Variants in TAOK3 observed in about 807,000 individuals in gnomAD.
The protein encoded by TAOK3 is TAO kinase 3.
TAOK3 carries 40 observed loss-of-function variants against 120.4 expected under a neutral mutation model. That is an observed-to-expected ratio of 0.33 (90% CI 0.26 to 0.43). The LOEUF (loss-of-function observed/expected upper bound fraction) is 0.43, where lower values mean the gene tolerates loss of function less well. TAOK3 is among the 20% of genes least tolerant of loss of function. TAOK3 has a pLI of 1.00. For missense variants in TAOK3, 821 were observed against 1,112.1 expected, an observed-to-expected ratio of 0.74 and a Z score of 3.72; for synonymous variants, 355 against 387.5, an observed-to-expected ratio of 0.92 and a Z score of 0.99.
At chr12:118,241,169 G>T (rs374424017) in intron 5 of TAOK3, among the ~76,000 whole-genome samples, 3 of 150,946 alleles carry the variant, frequency 2.0e-5, no homozygotes, top group African/African-American at 7.3e-5. Flanking sequence ...GAATAATTTA[G>T]AACAATGAGA....
chr12:118,268,368 A>C (rs760015514), intron 1 of TAOK3, among the ~76,000 whole-genome samples: 22 of 152,342 alleles, frequency 1.4e-4, no homozygotes, highest in Non-Finnish European at 2.9e-4. Context: ...CTTGACTAGC[A>C]TTGTAGATGA....
intron 15 of TAOK3, among the ~76,000 whole-genome samples, chr12:118,177,986 G>A (rs997216889): frequency 3.3e-5 from 5 of 152,046 alleles, no homozygotes; most frequent in Non-Finnish European, 7.4e-5. Flanking sequence ...TCGCTCTGTC[G>A]CTCAGGCTGG....
intron 14 of TAOK3, among the ~76,000 whole-genome samples, chr12:118,188,602 G>A (rs910985629): frequency 9.9e-5 from 15 of 152,138 alleles, no homozygotes; most frequent in African/African-American, 3.4e-4. Context: ...ATTTTTCCTT[G>A]CATTTGGGTT....
intron 1 of TAOK3, among the ~76,000 whole-genome samples, chr12:118,296,191 G>C (rs1016378929): frequency 2.6e-5 from 4 of 152,142 alleles, no homozygotes; most frequent in African/African-American, 9.7e-5. Context: ...TTGTGCAATG[G>C]TGCGATCTTG....
intron 1 of TAOK3, among the ~76,000 whole-genome samples, chr12:118,267,403 C>T (rs1285268221): frequency 2.0e-5 from 3 of 151,500 alleles, no homozygotes; most frequent in Admixed American, 1.3e-4. Context: ...TCAGTACAGA[C>T]GGGGTTTCAC....
chr12:118,329,997 A>G (rs974482960), intron 1 of TAOK3, among the ~76,000 whole-genome samples: 6 of 152,218 alleles, frequency 3.9e-5, no homozygotes, highest in African/African-American at 7.2e-5. Context: ...CTCTGTATCA[A>G]CAACAACCCC....
At chr12:118,246,717 A>C (rs2040528562) in intron 3 of TAOK3, 1 of 1,590,662 alleles carries the variant, frequency 6.3e-7, no homozygotes, top group Non-Finnish European at 8.5e-7. Context: ...TGTGCCTAAG[A>C]AGCTGCTCAT....
intron 1 of TAOK3, among the ~76,000 whole-genome samples, chr12:118,355,893 T>G (rs1300817606): frequency 6.6e-6 from 1 of 152,200 alleles, no homozygotes; most frequent in Non-Finnish European, 1.5e-5. Context: ...AACTGAGGTT[T>G]CGGGGAGGTT....
intron 2 of TAOK3, among the ~76,000 whole-genome samples, chr12:118,259,273 C>A (rs766019215): frequency 6.6e-6 from 1 of 152,252 alleles, no homozygotes; most frequent in South Asian, 2.1e-4. Context: ...AGGCCAGCCA[C>A]GGTGACTCAT....
intron 11 of TAOK3, among the ~76,000 whole-genome samples, chr12:118,211,730 C>G (rs1370231944): frequency 1.5e-4 from 23 of 152,020 alleles, no homozygotes; most frequent in Admixed American, 1.2e-3. Flanking sequence ...ATCCTCCTGC[C>G]TCAGCCTCCT....
At position 118,201,325 on chromosome 12, in the gene TAOK3, G is replaced by A. The variant is rs2038010721; in HGVS notation, c.958C>T (p.Pro320Ser). 2 of 1,613,898 alleles carry A rather than the reference G, an allele frequency of 1.2e-6. No homozygotes were observed. Among genetic ancestry groups the A allele is most frequent in the East Asian group, 2.2e-5 (1 of 44,874 alleles). ...TCATCCTCCTGTGACTCATTCAAGG[G>A]TCCATTCCGTGTCTCTTGGAAAAGT... ...KILFQETRNGPLNESQEDEED... is the reference protein window; with the variant it reads ...KILFQETRNGSLNESQEDEED... Residue 320 changes from proline (P) to serine (S), a missense_variant, in exon 12 of 21, where the codon CCC becomes TCC. Around this residue, in one of 2 missense-constraint regions of TAOK3, gnomAD observed 467 missense variants for 540.0 expected, o/e 0.86. Coordinates refer to ENST00000392533, the MANE Select transcript of TAOK3 (RefSeq NM_016281.4).
In TAOK3 at chr12:118,160,369, A is replaced by G; in HGVS notation, c.2140-11T>C. The G allele has an allele frequency of 1.2e-6, 2 of 1,608,654 alleles. No homozygotes were observed. Among genetic ancestry groups the G allele is most frequent in the Non-Finnish European group, 1.7e-6 (2 of 1,176,310 alleles). ...TTGCATTTCCATGGCCTGGGTAGAA[A>G]AAGTGACAAAGGAAAAATAAAGGCA... On this transcript the variant is annotated splice_polypyrimidine_tract_variant and intron_variant, in intron 18 of 20. Transcript: ENST00000392533. The surrounding 1 kb of genome is among the most constrained non-coding windows in gnomAD (Gnocchi z 4.2).
At position 118,293,121 on chromosome 12, in the gene TAOK3, A is replaced by G. The variant is rs894111232; in HGVS notation, c.-193-26362T>C. On this transcript the variant is annotated intron_variant, in intron 1 of 20. Coordinates refer to ENST00000392533, the MANE Select transcript of TAOK3 (RefSeq NM_016281.4). ...CACACTGCTTCAGCAATTCTCTCAC[A>G]GGAACTGGAGAAACTGCCTTTTTCA... is the stretch of plus-strand genomic sequence containing the variant. 2.6e-5 allele frequency among the ~76,000 whole-genome samples: 4 copies of G among 152,234 alleles called. No individual in the cohort carries two copies. In the East Asian group the frequency reaches 7.7e-4, roughly 29 times the overall value.
intron 17 of TAOK3, among the ~76,000 whole-genome samples, chr12:118,168,076 A>G (rs115677293): frequency 0.021 from 3,167 of 152,326 alleles, 45 homozygotes; most frequent in Middle Eastern, 0.048. Context: ...CATATATAAT[A>G]TAGCTGTACA....
At chr12:118,240,595 A>C (rs1252332888) in intron 5 of TAOK3, among the ~76,000 whole-genome samples, 1 of 151,774 alleles carries the variant, frequency 6.6e-6, no homozygotes, top group East Asian at 1.9e-4. Context: ...CCACCCACCT[A>C]GGCCTCCCAA....
chr12:118,257,667 A>G (rs974966549), intron 2 of TAOK3, among the ~76,000 whole-genome samples: 2 of 103,638 alleles, frequency 1.9e-5, no homozygotes, highest in African/African-American at 7.5e-5. Flanking sequence ...TAGGAGAAGA[A>G]AAAAAAGAAA....
At chr12:118,274,525 G>T (rs1368248952) in intron 1 of TAOK3, among the ~76,000 whole-genome samples, 1 of 152,080 alleles carries the variant, frequency 6.6e-6, no homozygotes, top group African/African-American at 2.4e-5. Context: ...CAATTATTTT[G>T]ATTTCTTATG....
Position 118,181,431 on chromosome 12 carries a change from G to A in TAOK3, c.1506C>T (p.Asn502=). 1.2e-6 allele frequency: 2 copies of A among 1,614,206 alleles called. No individual in the cohort carries two copies. Among genetic ancestry groups the A allele is most frequent in the Non-Finnish European group, 1.7e-6 (2 of 1,180,042 alleles). ...KLQKEVETHA[N]NSSIELEKLA... ...GCTTCTCCAGCTCGATGGACGAGTT[G>A]TTGGCATGCGTCTCCACCTCCTTCT... Residue 502 remains asparagine, a synonymous_variant, in exon 15 of 21, where the codon AAC becomes AAT. Transcript: ENST00000392533.
chr12:118,282,722 C>A (rs1380975880), intron 1 of TAOK3, among the ~76,000 whole-genome samples: 2 of 152,162 alleles, frequency 1.3e-5, no homozygotes, highest in Non-Finnish European at 2.9e-5. Flanking sequence ...TTCTGCTCTA[C>A]TGGACTCTTA....
Sources: gnomAD v4.1 joint callset for allele counts (sites outside exome capture counted in the v4.1 genomes callset) on GRCh38, gnomAD v4.1.1 for gene constraint, gnomAD v4.1.1 regional missense constraint, Gnocchi (gnomAD v3.1) non-coding constraint, MANE v1.5 for transcripts, NCBI Gene and HGNC (gene_info 2026-07-23, HGNC 2026-07-21) for gene names.